The following ADAM28 variants were observed in gnomAD, a reference collection of about 807,000 sequenced individuals.
ADAM28 encodes the protein disintegrin and metalloproteinase domain-containing protein 28.
A neutral mutation model predicts 101.2 loss-of-function variants in ADAM28; 105 were observed. The ratio of observed to expected loss-of-function variants is 1.04; its 90% CI spans 0.89 to 1.22. The LOEUF (loss-of-function observed/expected upper bound fraction) is 1.22. Among genes scored for constraint, ADAM28 ranks in the 50% most tolerant of loss-of-function variants. ADAM28 has a pLI of 0.00. For synonymous variants in ADAM28, 322 were observed against 310.6 expected (o/e 1.04, Z -0.39); for missense variants, 1,028 against 945.4 (o/e 1.09, Z -1.15).
chr8:24,312,123 T>C (rs1422751196), intron 5 of ADAM28, among the ~76,000 whole-genome samples: 6 of 152,180 alleles, frequency 3.9e-5, no homozygotes, highest in Non-Finnish European at 8.8e-5. Context: ...CTGTTAATGA[T>C]ATACTATGCA....
At chr8:24,322,663 T>C (rs1272855837) in intron 8 of ADAM28, 3 of 151,930 alleles carry the variant, frequency 2.0e-5, no homozygotes, top group Admixed American at 6.6e-5. Context: ...TTTTGTCAGG[T>C]GAGTAAAATT....
chr8:24,308,713 A>G, intron 2 of ADAM28: 2 of 456,194 alleles, frequency 4.4e-6, no homozygotes, highest in Non-Finnish European at 8.8e-6. Flanking sequence ...GGGGAAATTT[A>G]TAGCCTGGGA....
At chr8:24,354,113 TAAGTA>T (rs1468708023) in intron 22 of ADAM28, among the ~76,000 whole-genome samples, 1 of 152,104 alleles carries the variant, frequency 6.6e-6, no homozygotes, top group Non-Finnish European at 1.5e-5. Context: ...CATAGAATAA[TAAGTA>T]TAGTATCCTG....
chr8:24,335,755 C>T (rs1234529758), intron 14 of ADAM28, 114 bp downstream of exon 14: 1 of 1,275,640 alleles, frequency 7.8e-7, no homozygotes, highest in Non-Finnish European at 1.0e-6. Context: ...AAGCTTTGAA[C>T]TCAAAATCAT....
intron 2 of ADAM28, among the ~76,000 whole-genome samples, chr8:24,305,170 C>A (rs566496975): frequency 6.6e-6 from 1 of 151,768 alleles, no homozygotes; most frequent in Non-Finnish European, 1.5e-5. Context: ...GAGTCCCTCC[C>A]ATTTAGGGGA....
chr8:24,328,233 G>A (rs533875077), intron 10 of ADAM28, among the ~76,000 whole-genome samples: 1 of 151,732 alleles, frequency 6.6e-6, no homozygotes, highest in South Asian at 2.1e-4. Flanking sequence ...TAAGAAAGGC[G>A]ATCTTACTTT....
At chr8:24,310,474 G>A (rs1810306960) in intron 4 of ADAM28, 4 of 397,822 alleles carry the variant, frequency 1.0e-5, no homozygotes, top group South Asian at 9.9e-5. Context: ...GACCCCTGTA[G>A]GAGGGTGGGT....
chr8:24,356,856 C>A lies in ADAM28; in HGVS notation c.*2452C>A, dbSNP rs1353162556. On this transcript the variant is annotated 3_prime_UTR_variant, in exon 23 of 23. Coordinates refer to ENST00000265769, the MANE Select transcript of ADAM28 (RefSeq NM_014265.6). ...CTACTTATTACAACTCACCAAATTACTGGTTTTATATGGCCTTTGGGAAGG... is the reference window on the plus strand; with the variant it reads ...CTACTTATTACAACTCACCAAATTAATGGTTTTATATGGCCTTTGGGAAGG... 6.6e-6 allele frequency: 1 copy of A among 152,158 alleles called. No individual in the cohort carries two copies. The highest frequency in any genetic ancestry group is 2.4e-5 in the African/African-American group (1 of 41,440). 9.4% of individuals were successfully genotyped at this position (152,158 alleles called of 1,614,324 possible). A position where few individuals can be genotyped will look rare whatever the true frequency, so the allele number is the denominator to read the frequency against.
intron 5 of ADAM28, 90 bp downstream of exon 5, chr8:24,311,527 T>G: frequency 1.0e-6 from 1 of 993,948 alleles, no homozygotes; most frequent in East Asian, 2.7e-5. Context: ...ATATCATTAA[T>G]TTTTATATAG....
intron 6 of ADAM28, among the ~76,000 whole-genome samples, chr8:24,318,814 G>T (rs1471902581): frequency 6.6e-6 from 1 of 151,842 alleles, no homozygotes; most frequent in Non-Finnish European, 1.5e-5. Flanking sequence ...CTACCCCAAG[G>T]TGCCATCTCA....
intron 1 of ADAM28, among the ~76,000 whole-genome samples, chr8:24,297,170 TTG>T (rs1808084959): frequency 4.0e-5 from 5 of 125,592 alleles, no homozygotes; most frequent in East Asian, 2.4e-4. Context: ...TTTTTTTTTG[TTG>T]TTGTTGTTGT....
intron 8 of ADAM28, among the ~76,000 whole-genome samples, chr8:24,322,008 T>C (rs1176321756): frequency 9.2e-5 from 14 of 152,036 alleles, no homozygotes; most frequent in Admixed American, 9.2e-4. Context: ...ATAAATGCTC[T>C]AAAGATAATT....
At chr8:24,332,273 G>C (rs1813450661) in intron 12 of ADAM28, among the ~76,000 whole-genome samples, 1 of 152,160 alleles carries the variant, frequency 6.6e-6, no homozygotes, top group African/African-American at 2.4e-5. Flanking sequence ...TAGCTTTTCA[G>C]TGGATATCCT....
intron 20 of ADAM28, 46 bp downstream of exon 20, chr8:24,351,356 G>A (rs373541034): frequency 1.4e-5 from 22 of 1,560,154 alleles, no homozygotes; most frequent in East Asian, 4.5e-5. Context: ...CCCACTTTGC[G>A]TTTCTCTCAC....
intron 18 of ADAM28, among the ~76,000 whole-genome samples, chr8:24,347,882 C>A (rs192256529): frequency 1.5e-3 from 222 of 152,066 alleles, no homozygotes; most frequent in African/African-American, 5.1e-3. Flanking sequence ...TCCATATTTT[C>A]ATTTTTATCC....
chr8:24,311,499 C>A (rs1167634518), intron 5 of ADAM28, 62 bp downstream of exon 5: 3 of 1,292,350 alleles, frequency 2.3e-6, no homozygotes, highest in South Asian at 1.3e-5. Flanking sequence ...TGTATCTAAC[C>A]AACCAGATGA....
At chr8:24,316,333 T>G (rs898460104) in intron 6 of ADAM28, among the ~76,000 whole-genome samples, 7 of 151,976 alleles carry the variant, frequency 4.6e-5, no homozygotes, top group African/African-American at 1.7e-4. Flanking sequence ...ATTTAATATA[T>G]AACTTTTATC....
intron 4 of ADAM28, 104 bp from the exon 5 acceptor site, chr8:24,311,257 T>C (rs1207699508): frequency 1.8e-5 from 14 of 758,934 alleles, no homozygotes; most frequent in Non-Finnish European, 2.8e-5. Flanking sequence ...AGCAGAATAT[T>C]GTTTGAAAGC....
intron 18 of ADAM28, 97 bp downstream of exon 18, chr8:24,343,681 C>A (rs1783660056): frequency 3.6e-6 from 4 of 1,099,978 alleles, no homozygotes; most frequent in South Asian, 2.9e-5. Flanking sequence ...TTTCTCTGTT[C>A]TTGAAATTTC....
Sources: gnomAD v4.1 joint callset for allele counts (sites outside exome capture counted in the v4.1 genomes callset) on GRCh38, gnomAD v4.1.1 for gene constraint, MANE v1.5 for transcripts, NCBI Gene and HGNC (gene_info 2026-07-23, HGNC 2026-07-21) for gene names.